Variants in FOXN3 observed in about 807,000 individuals in gnomAD.
FOXN3 encodes the protein forkhead box N3.
A neutral mutation model predicts 38.4 loss-of-function variants in FOXN3; 7 were observed. That is an observed-to-expected ratio of 0.18 (90% confidence interval 0.10 to 0.34). FOXN3 has a LOEUF of 0.34. Among genes scored for constraint, FOXN3 ranks in the 10% least tolerant of loss-of-function variants. The probability of loss-of-function intolerance (pLI) is 1.00; values close to 1 mark genes in which losing one functional copy is unlikely to be tolerated. For missense variants in FOXN3, 456 were observed against 613.4 expected (o/e 0.74, Z 2.71); for synonymous variants, 230 against 242.2 (o/e 0.95, Z 0.47).
chr14:89,553,238 CAAAAAAA>C (rs146581490), intron 1 of FOXN3, among the ~76,000 whole-genome samples: 1 of 79,034 alleles, frequency 1.3e-5, no homozygotes, highest in African/African-American at 4.6e-5. Context: ...GACCCTGTCC[CAAAAAAA>C]AAAAAAAAAA....
chr14:89,413,913 A>C, intron 1 of FOXN3, among the ~76,000 whole-genome samples: 1 of 114,344 alleles, frequency 8.7e-6, no homozygotes, highest in Non-Finnish European at 1.7e-5. Flanking sequence ...GGGCAAGGGG[A>C]GGAAGGAGGA....
At chr14:89,227,823 G>T (rs979809800) in intron 4 of FOXN3, among the ~76,000 whole-genome samples, 8 of 152,158 alleles carry the variant, frequency 5.3e-5, no homozygotes, top group Non-Finnish European at 1.0e-4. Context: ...AGCTAAGAAC[G>T]GCCCCCAGCT....
In FOXN3 at chr14:89,511,135, T is replaced by G; in HGVS notation, c.-14-98645A>C. Reference sequence around the variant, plus strand: ...GACCTGCTTGGTGTCTTTCTTTCTTTCTTTCTTTTCTTTCTTTCTTTCTTT... The same window carrying G: ...GACCTGCTTGGTGTCTTTCTTTCTTGCTTTCTTTTCTTTCTTTCTTTCTTT... On this transcript the variant is annotated intron_variant, in intron 1 of 6. Coordinates refer to the FOXN3 transcript ENST00000345097. Among the ~76,000 whole-genome samples, 2 of 26,334 alleles carry G rather than the reference T, an allele frequency of 7.6e-5. 1 individual carries two copies. The allele number at this position is 26,334 out of a possible 152,430, so 17.3% of individuals were successfully genotyped here. A position where few individuals can be genotyped will look rare whatever the true frequency, so the allele number is the denominator to read the frequency against.
chr14:89,439,293 G>A (rs891783367), intron 1 of FOXN3, among the ~76,000 whole-genome samples: 1 of 152,138 alleles, frequency 6.6e-6, no homozygotes, highest in African/African-American at 2.4e-5. Context: ...GAGACATACT[G>A]AGCGGCATTC....
chr14:89,562,298 T>C (rs1287324106), intron 1 of FOXN3, among the ~76,000 whole-genome samples: 1 of 152,178 alleles, frequency 6.6e-6, no homozygotes. Context: ...TCTTGCTCTG[T>C]CGCCCAGGCT....
chr14:89,429,255 T>C (rs1892109295), intron 1 of FOXN3, among the ~76,000 whole-genome samples: 1 of 152,228 alleles, frequency 6.6e-6, no homozygotes, highest in Non-Finnish European at 1.5e-5. Context: ...CTGTAGCAAG[T>C]TTCTTTACCC....
At chr14:89,286,677 C>T (rs1886637906) in intron 3 of FOXN3, among the ~76,000 whole-genome samples, 1 of 152,096 alleles carries the variant, frequency 6.6e-6, no homozygotes, top group Non-Finnish European at 1.5e-5. Flanking sequence ...GGATTAATCA[C>T]CAGGAAATAA....
chr14:89,550,500 G>C (rs370868973), intron 1 of FOXN3, among the ~76,000 whole-genome samples: 7 of 152,064 alleles, frequency 4.6e-5, no homozygotes, highest in Non-Finnish European at 1.0e-4. Context: ...ATTGTCTGCC[G>C]GTGACAGAGA....
At chr14:89,283,362 A>G (rs927313159) in intron 3 of FOXN3, among the ~76,000 whole-genome samples, 4 of 152,184 alleles carry the variant, frequency 2.6e-5, no homozygotes, top group Non-Finnish European at 4.4e-5. Flanking sequence ...AGCAATGCCT[A>G]TAGACAGACT....
chr14:89,172,847 G>A (rs956065031), intron 5 of FOXN3, among the ~76,000 whole-genome samples: 1 of 151,982 alleles, frequency 6.6e-6, no homozygotes, highest in Admixed American at 6.6e-5. Flanking sequence ...AACTCCAGAT[G>A]GATTAGAGAC....
At chr14:89,248,877 G>T (rs1031123138) in intron 4 of FOXN3, among the ~76,000 whole-genome samples, 12 of 152,140 alleles carry the variant, frequency 7.9e-5, no homozygotes, top group African/African-American at 2.7e-4. Flanking sequence ...AAAATGTCAG[G>T]AATTCAACCT....
At chr14:89,399,154 T>A (rs1891181227) in intron 2 of FOXN3, among the ~76,000 whole-genome samples, 1 of 152,246 alleles carries the variant, frequency 6.6e-6, no homozygotes, top group Non-Finnish European at 1.5e-5. Flanking sequence ...TGACCAGGGC[T>A]GAACGCTTGG....
At chr14:89,526,615 G>A (rs551275845) in intron 1 of FOXN3, among the ~76,000 whole-genome samples, 55 of 152,204 alleles carry the variant, frequency 3.6e-4, no homozygotes, top group African/African-American at 1.3e-3. Context: ...ACCTAAATAA[G>A]CGGAGCAATA....
intron 4 of FOXN3, among the ~76,000 whole-genome samples, chr14:89,209,390 A>T (rs191164044): frequency 6.6e-6 from 1 of 152,356 alleles, no homozygotes; most frequent in African/African-American, 2.4e-5. Flanking sequence ...CACTAGAAAA[A>T]TTTGAGAGAT....
At chr14:89,546,074 T>G (rs1356564949) in intron 1 of FOXN3, among the ~76,000 whole-genome samples, 1 of 152,132 alleles carries the variant, frequency 6.6e-6, no homozygotes. Flanking sequence ...CCCTGAAAAA[T>G]TAAAACTTTT....
chr14:89,296,629 G>T (rs1003401873), intron 3 of FOXN3, among the ~76,000 whole-genome samples: 2 of 152,114 alleles, frequency 1.3e-5, no homozygotes, highest in East Asian at 3.9e-4. Context: ...CTGCCCAGGG[G>T]CCCCAGGGAT....
rs534479349 is a variant in FOXN3, at chr14:89,531,795, T to G, written c.-15+87233A>C. ...CACTTAGCAAAGACTTAAACGCCAG[T>G]GGTTCTTGTTTTGTTTTGTTTTGTT... On this transcript the variant is annotated intron_variant, in intron 1 of 6. Transcript: ENST00000345097. 5.4e-5 allele frequency among the ~76,000 whole-genome samples: 5 copies of G among 92,602 alleles called. No homozygotes were observed. In the South Asian group the frequency reaches 1.7e-3, roughly 32 times the overall value. 60.8% of individuals were successfully genotyped at this position (92,602 alleles called of 152,430 possible). A position where few individuals can be genotyped will look rare whatever the true frequency, so the allele number is the denominator to read the frequency against.
At chr14:89,242,984 T>C (rs1225085858) in intron 4 of FOXN3, among the ~76,000 whole-genome samples, 1 of 152,222 alleles carries the variant, frequency 6.6e-6, no homozygotes, top group African/African-American at 2.4e-5. Flanking sequence ...TTACACATTC[T>C]TTATGCCCAA....
rs146019704 is a variant in FOXN3 at position 89,196,017 on chromosome 14, C to T, written c.746-15211G>A. ...CCATATTAAAAAAAAATTCCTCCTTCGCCCATGCTTCAGTAACAAATGTTA... is the reference window on the plus strand; with the variant it reads ...CCATATTAAAAAAAAATTCCTCCTTTGCCCATGCTTCAGTAACAAATGTTA... On this transcript the variant is annotated intron_variant, in intron 4 of 5. Transcript: ENST00000557258. 1.7e-3 allele frequency among the ~76,000 whole-genome samples: 258 copies of T among 152,286 alleles called. 1 individual carries two copies. The highest frequency in any genetic ancestry group is 5.6e-3 in the African/African-American group (234 of 41,550).
Sources: allele counts gnomAD v4.1 joint callset (sites outside exome capture counted in the v4.1 genomes callset), GRCh38; gene constraint gnomAD v4.1.1; transcripts MANE v1.5; gene names NCBI Gene and HGNC (gene_info 2026-07-23, HGNC 2026-07-21).